NT5C2: variants seen among roughly 807,000 people sequenced by gnomAD.
The protein encoded by NT5C2 is cytosolic purine 5'-nucleotidase.
In NT5C2, 58 loss-of-function variants were observed where a neutral mutation model predicts 76.1. The ratio of observed to expected loss-of-function variants is 0.76; its 90% CI spans 0.62 to 0.95. The LOEUF (loss-of-function observed/expected upper bound fraction) is 0.95. NT5C2 is among the 40% of genes least tolerant of loss of function. The pLI is 0.00. For synonymous variants in NT5C2, 229 were observed against 237.4 expected (o/e 0.96, Z 0.32); for missense variants, 478 against 690.3 (o/e 0.69, Z 3.45).
intron 4 of NT5C2, among the ~76,000 whole-genome samples, chr10:103,126,537 G>A (rs752707216): frequency 2.6e-5 from 4 of 152,170 alleles, no homozygotes; most frequent in East Asian, 1.9e-4. Flanking sequence ...CAGAAGAATC[G>A]CTTGAACCTG....
chr10:103,089,833 G>A lies in NT5C2; in HGVS notation c.1525C>T (p.Arg509Cys), dbSNP rs777275675. 5.0e-6 allele frequency: 8 copies of A among 1,614,060 alleles called. No individual in the cohort carries two copies. The highest frequency in any genetic ancestry group is 5.1e-6 in the Non-Finnish European group (6 of 1,180,000). ...GTGTCTTTGAAATCCACTGATGTGCGGTTCCGGGTGGCAAGAGGAGACTCC... is the reference window on the plus strand; with the variant it reads ...GTGTCTTTGAAATCCACTGATGTGCAGTTCCGGGTGGCAAGAGGAGACTCC... The part of the protein sequence containing the change: ...EMESPLATRN[R>C]TSVDFKDTDY... Residue 509 changes from arginine (R) to cysteine (C), a missense_variant, in exon 19 of 19, where the codon CGC becomes TGC. Physicochemically the swap from Arg to Cys is radical, Grantham distance 180. Transcript: ENST00000404739.
intron 3 of NT5C2, among the ~76,000 whole-genome samples, chr10:103,150,787 C>T (rs1216182374): frequency 6.6e-6 from 1 of 152,102 alleles, no homozygotes; most frequent in Admixed American, 6.5e-5. Context: ...AAATATTTTG[C>T]CCGTTTTTAA....
At chr10:103,129,627 G>T (rs1361585180) in intron 4 of NT5C2, among the ~76,000 whole-genome samples, 4 of 99,076 alleles carry the variant, frequency 4.0e-5, no homozygotes, top group African/African-American at 1.6e-4. Flanking sequence ...GGAGGTGGGG[G>T]GGGGTCAGCC....
At chr10:103,159,682 C>T (rs1006761982) in intron 3 of NT5C2, among the ~76,000 whole-genome samples, 14 of 150,502 alleles carry the variant, frequency 9.3e-5, no homozygotes, top group African/African-American at 3.2e-4. Flanking sequence ...AAAGAAAATA[C>T]TTAGGAATAA....
At chr10:103,094,242 C>T in intron 13 of NT5C2, 106 bp downstream of exon 13, 1 of 794,238 alleles carries the variant, frequency 1.3e-6, no homozygotes, top group South Asian at 1.7e-5. Context: ...AGAGATACGG[C>T]TAATTAAAAA....
At chr10:103,190,929 G>C (rs1239640649) in intron 1 of NT5C2, among the ~76,000 whole-genome samples, 2 of 152,064 alleles carry the variant, frequency 1.3e-5, no homozygotes, top group African/African-American at 4.8e-5. Context: ...CAGAAATATT[G>C]GTAAGAGCAA....
chr10:103,189,937 T>C (rs2092485578), intron 1 of NT5C2, among the ~76,000 whole-genome samples: 1 of 147,140 alleles, frequency 6.8e-6, no homozygotes, highest in African/African-American at 2.5e-5. Context: ...CCCAAAGTGC[T>C]GGGATTACAG....
intron 4 of NT5C2, among the ~76,000 whole-genome samples, chr10:103,126,315 C>T (rs2076632571): frequency 6.6e-6 from 1 of 152,140 alleles, no homozygotes; most frequent in Non-Finnish European, 1.5e-5. Flanking sequence ...ATAGGCTTGG[C>T]AGGTATTTTT....
At chr10:103,184,528 GGGAGA>G (rs1361594278) in intron 1 of NT5C2, among the ~76,000 whole-genome samples, 1 of 152,172 alleles carries the variant, frequency 6.6e-6, no homozygotes, top group Admixed American at 6.5e-5. Context: ...AGCTCCATAA[GGGAGA>G]GGAGTGTTTT....
chr10:103,159,653 A>C (rs1029555264), intron 3 of NT5C2, among the ~76,000 whole-genome samples: 1 of 143,850 alleles, frequency 7.0e-6, no homozygotes, highest in African/African-American at 2.6e-5. Flanking sequence ...TGTCTCTTTA[A>C]AAAAAAAAAA....
intron 3 of NT5C2, among the ~76,000 whole-genome samples, chr10:103,174,006 G>C (rs2089088619): frequency 6.7e-6 from 1 of 150,272 alleles, no homozygotes; most frequent in Non-Finnish European, 1.5e-5. Context: ...TGAGGCAGGA[G>C]AACCGCTTGA....
At chr10:103,115,741 T>C (rs2074184384) in intron 4 of NT5C2, among the ~76,000 whole-genome samples, 1 of 152,102 alleles carries the variant, frequency 6.6e-6, no homozygotes, top group African/African-American at 2.4e-5. Flanking sequence ...ATAAAGGGAA[T>C]CAAAGCTTGG....
chr10:103,172,636 G>GACC (rs1351563736), intron 3 of NT5C2, among the ~76,000 whole-genome samples: 2 of 152,070 alleles, frequency 1.3e-5, no homozygotes, highest in African/African-American at 4.8e-5. Context: ...AGGAGTTCAA[G>GACC]ACCAGCCTGG....
intron 3 of NT5C2, among the ~76,000 whole-genome samples, chr10:103,167,775 G>A (rs2086785725): frequency 6.6e-6 from 1 of 152,088 alleles, no homozygotes; most frequent in East Asian, 1.9e-4. Context: ...AGGACTACAG[G>A]TGCACACCAC....
chr10:103,138,588 A>C (rs146939329), intron 4 of NT5C2, among the ~76,000 whole-genome samples: 12 of 152,320 alleles, frequency 7.9e-5, no homozygotes, highest in Admixed American at 6.5e-4. Context: ...AGCTTCATTC[A>C]TGTCCCTGCA....
At position 103,139,499 on chromosome 10, in the gene NT5C2, AT is replaced by A. The variant is rs2079969503; in HGVS notation, c.102-21del. 6.9e-7 allele frequency: 1 copy of A among 1,445,034 alleles called. No individual in the cohort carries two copies. The highest frequency in any genetic ancestry group is 2.0e-5 in the Admixed American group (1 of 50,222). The allele number at this position is 1,445,034 out of a possible 1,614,324, so 89.5% of individuals were successfully genotyped here. A position where few individuals can be genotyped will look rare whatever the true frequency, so the allele number is the denominator to read the frequency against. ...AACACCCTATAGAAAATAATAAAAA[AT>A]AATATCTCAACACTGGAAAATAAAT... On this transcript the variant is annotated intron_variant, in intron 3 of 18. Transcript: ENST00000404739.
At chr10:103,138,463 A>C (rs2079734181) in intron 4 of NT5C2, among the ~76,000 whole-genome samples, 1 of 151,886 alleles carries the variant, frequency 6.6e-6, no homozygotes, top group Non-Finnish European at 1.5e-5. Flanking sequence ...TCAGTGTGTG[A>C]TGTTCCCCCT....
rs936546649 is a variant in NT5C2, at chr10:103,161,681, G to A, written c.101+13177C>T. Among the ~76,000 whole-genome samples the A allele has an allele frequency of 3.3e-5, 5 of 151,718 alleles. No individual in the cohort carries two copies. The South Asian group carries it at 8.4e-4, about 25-fold the overall frequency. On this transcript the variant is annotated intron_variant, in intron 3 of 18. Transcript: ENST00000404739. ...TGAGGCTTCTGTGAGCTATGACTGCGCCACTGTACTCCAGCCTGGATGACA... is the reference window on the plus strand; with the variant it reads ...TGAGGCTTCTGTGAGCTATGACTGCACCACTGTACTCCAGCCTGGATGACA...
At chr10:103,162,761 CATT>C (rs1377406942) in intron 3 of NT5C2, among the ~76,000 whole-genome samples, 2 of 152,016 alleles carry the variant, frequency 1.3e-5, no homozygotes, top group African/African-American at 4.8e-5. Flanking sequence ...TTTATAACAG[CATT>C]ATTCTTATTT....
Sources: allele counts gnomAD v4.1 joint callset (sites outside exome capture counted in the v4.1 genomes callset), GRCh38; gene constraint gnomAD v4.1.1; transcripts MANE v1.5; gene names NCBI Gene and HGNC (gene_info 2026-07-23, HGNC 2026-07-21).